Variants in IFT74 observed in about 807,000 individuals in gnomAD.
IFT74 encodes intraflagellar transport protein 74 homolog.
Under a neutral mutation model 96.7 loss-of-function variants are expected in IFT74, and 92 were observed. The observed-to-expected ratio is 0.95, with a 90% CI of 0.80 to 1.13. The LOEUF (loss-of-function observed/expected upper bound fraction) is 1.13, where lower values mean the gene tolerates loss of function less well. Ranked by LOEUF, IFT74 falls within the 50% of genes most tolerant of loss-of-function variation. IFT74 has a pLI of 0.00. For missense variants in IFT74, 811 were observed against 698.2 expected, an observed-to-expected ratio of 1.16 and a Z score of -1.82; for synonymous variants, 223 against 213.2, an observed-to-expected ratio of 1.05 and a Z score of -0.40.
chr9:27,045,039 G>A (rs907356798), intron 14 of IFT74, among the ~76,000 whole-genome samples: 6 of 152,142 alleles, frequency 3.9e-5, no homozygotes, highest in African/African-American at 7.2e-5. Flanking sequence ...ACTTACATTC[G>A]TAGTCTGTAC....
intron 2 of IFT74, among the ~76,000 whole-genome samples, chr9:26,977,650 G>A (rs1827184354): frequency 6.6e-6 from 1 of 151,916 alleles, no homozygotes; most frequent in Non-Finnish European, 1.5e-5. Flanking sequence ...CACCACGCCT[G>A]GATAACTTTT....
chr9:27,016,753 C>T (rs969966874), intron 10 of IFT74, among the ~76,000 whole-genome samples, 154 bp from the exon 11 acceptor site: 1 of 152,056 alleles, frequency 6.6e-6, no homozygotes, highest in Non-Finnish European at 1.5e-5. Context: ...TAGGAATGTG[C>T]TTTGTAGCAT....
In IFT74 at chr9:27,048,147, G is replaced by A; in HGVS notation, c.1207-1G>A. 1.3e-6 allele frequency: 2 copies of A among 1,557,660 alleles called. No homozygotes were observed. Among genetic ancestry groups the A allele is most frequent in the Non-Finnish European group, 1.7e-6 (2 of 1,151,888 alleles). Reference sequence around the variant, plus strand: ...CTATTTTTATTTCTCTGCAAATGCAGAATATAAATCGTATAGAACAGATAT... The same window carrying A: ...CTATTTTTATTTCTCTGCAAATGCAAAATATAAATCGTATAGAACAGATAT... On this transcript the variant is annotated splice_acceptor_variant, in intron 15 of 19. Coordinates refer to ENST00000380062, the MANE Select transcript of IFT74 (RefSeq NM_025103.4). LOFTEE classifies it high-confidence loss of function.
intron 12 of IFT74, chr9:27,028,782 A>G (rs1050919745): frequency 1.1e-5 from 3 of 272,602 alleles, no homozygotes; most frequent in Non-Finnish European, 2.0e-5. Context: ...GATCTAGACA[A>G]GATTCTTCCT....
At chr9:26,973,062 T>C (rs943345219) in intron 2 of IFT74, among the ~76,000 whole-genome samples, 2 of 152,192 alleles carry the variant, frequency 1.3e-5, no homozygotes, top group Non-Finnish European at 2.9e-5. Flanking sequence ...ATCAATATTG[T>C]TGTTTTTGCC....
intron 8 of IFT74, chr9:26,995,805 C>T (rs1483776129): frequency 6.2e-7 from 1 of 1,609,338 alleles, no homozygotes; most frequent in Non-Finnish European, 8.5e-7. Flanking sequence ...ACAGTGACAA[C>T]AACACCAACA....
Position 27,063,791 on chromosome 9 carries a change from G to A in IFT74, c.*1055G>A, listed in dbSNP as rs1171012065. On this transcript the variant is annotated 3_prime_UTR_variant, in exon 20 of 20. Transcript: ENST00000380062. ...TTTTTAAAAATAAATATTTATAATG[G>A]TAAATTATTCAAATTCAGTCTATAT... is the stretch of plus-strand genomic sequence containing the variant. Among the ~76,000 whole-genome samples the A allele has an allele frequency of 4.0e-5, 6 of 151,794 alleles. No individual in the cohort carries two copies. The highest frequency in any genetic ancestry group is 6.6e-5 in the Admixed American group (1 of 15,242).
At chr9:26,948,448 A>ATTATTATTATTTTT (rs1825819541) in intron 1 of IFT74, among the ~76,000 whole-genome samples, 3 of 59,162 alleles carry the variant, frequency 5.1e-5, no homozygotes, top group Non-Finnish European at 1.2e-4. Flanking sequence ...GCTTTCCATT[A>ATTATTATTATTTTT]TTTTTTTTTT....
chr9:27,040,974 C>A (rs1401472964), intron 13 of IFT74, among the ~76,000 whole-genome samples: 2 of 152,134 alleles, frequency 1.3e-5, no homozygotes, highest in Non-Finnish European at 2.9e-5. Flanking sequence ...GGTGCTCAGA[C>A]TATTGGCAGT....
upstream of IFT74, chr9:26,956,381 C>A (rs1826094240): frequency 6.6e-6 from 1 of 152,286 alleles, no homozygotes; most frequent in Non-Finnish European, 1.5e-5. Flanking sequence ...CTATCCCGCC[C>A]CCGTTGCCGG....
intron 19 of IFT74, among the ~76,000 whole-genome samples, chr9:27,061,171 G>A (rs1208493826): frequency 1.3e-5 from 2 of 150,172 alleles, no homozygotes; most frequent in Non-Finnish European, 2.9e-5. Flanking sequence ...GTGTGTGTGC[G>A]CACGCACGTG....
intron 1 of IFT74, among the ~76,000 whole-genome samples, chr9:26,956,853 G>T (rs1826130152): frequency 1.3e-5 from 2 of 152,258 alleles, no homozygotes; most frequent in Admixed American, 1.3e-4. Context: ...GTTGATCACA[G>T]TGCGGGCAGT....
At chr9:27,011,502 AAC>A (rs948588523) in intron 9 of IFT74, among the ~76,000 whole-genome samples, 3 of 152,120 alleles carry the variant, frequency 2.0e-5, no homozygotes, top group Non-Finnish European at 2.9e-5. Flanking sequence ...AAGATGTGAA[AAC>A]ACGGTTACAA....
intron 3 of IFT74, 76 bp downstream of exon 3, chr9:26,978,339 AG>A: frequency 6.8e-7 from 1 of 1,470,046 alleles, no homozygotes; most frequent in Non-Finnish European, 9.2e-7. Flanking sequence ...AATTTAAAAA[AG>A]TAAAAGTTGA....
At chr9:26,985,275 G>C (rs1827585118) in intron 6 of IFT74, among the ~76,000 whole-genome samples, 1 of 152,104 alleles carries the variant, frequency 6.6e-6, no homozygotes, top group Admixed American at 6.5e-5. Flanking sequence ...GGGAACAACA[G>C]ATAATGGGAT....
chr9:26,986,969 A>G (rs995955427), intron 6 of IFT74, among the ~76,000 whole-genome samples: 2 of 152,164 alleles, frequency 1.3e-5, no homozygotes. Flanking sequence ...CATCACAAAC[A>G]TTTTGTAGAG....
chr9:27,044,519 C>T (rs1459361100), intron 13 of IFT74, among the ~76,000 whole-genome samples: 8 of 152,136 alleles, frequency 5.3e-5, no homozygotes, highest in Non-Finnish European at 5.9e-5. Flanking sequence ...GAATGGAAAG[C>T]CTTTAAGTCC....
chr9:26,947,235 G>T, intron 1 of IFT74: 1 of 610,182 alleles, frequency 1.6e-6, no homozygotes, highest in South Asian at 2.2e-5. Context: ...GAGTGACACA[G>T]CAAGCCTGAC....
At chr9:27,005,077 A>G (rs1364332861) in intron 8 of IFT74, among the ~76,000 whole-genome samples, 3 of 152,314 alleles carry the variant, frequency 2.0e-5, no homozygotes, top group African/African-American at 7.2e-5. Context: ...TATTTAGAGA[A>G]TGATGTTAAT....
Sources: allele counts gnomAD v4.1 joint callset (sites outside exome capture counted in the v4.1 genomes callset), GRCh38; gene constraint gnomAD v4.1.1; transcripts MANE v1.5; gene names NCBI Gene and HGNC (gene_info 2026-07-23, HGNC 2026-07-21).